RBFOX1: variants seen among roughly 807,000 people sequenced by gnomAD.
RBFOX1 encodes RNA binding fox-1 homolog 1.
Under a neutral mutation model 57.7 loss-of-function variants are expected in RBFOX1, and 8 were observed. The observed-to-expected ratio is 0.14, with a 90% confidence interval of 0.08 to 0.25. RBFOX1 has a LOEUF of 0.25. RBFOX1 is among the 10% of genes least tolerant of loss of function. The pLI is 1.00. For synonymous variants in RBFOX1, 326 were observed against 222.4 expected (o/e 1.47, Z -4.15); for missense variants, 611 against 548.5 (o/e 1.11, Z -1.14).
chr16:7,248,353 G>A (rs1262698042), intron 4 of RBFOX1, among the ~76,000 whole-genome samples: 1 of 152,190 alleles, frequency 6.6e-6, no homozygotes, highest in East Asian at 1.9e-4. Flanking sequence ...TTTGTCGTCA[G>A]CTCTTCTAGT....
At chr16:7,258,832 A>C (rs1773431015) in intron 4 of RBFOX1, among the ~76,000 whole-genome samples, 1 of 152,162 alleles carries the variant, frequency 6.6e-6, no homozygotes, top group African/African-American at 2.4e-5. Flanking sequence ...CTTTGAATTT[A>C]CAAGTAAGAG....
intron 1 of RBFOX1, among the ~76,000 whole-genome samples, chr16:6,245,178 A>G (rs2097562312): frequency 6.6e-6 from 1 of 152,172 alleles, no homozygotes; most frequent in Non-Finnish European, 1.5e-5. Context: ...TGAATAATGC[A>G]CTTTTTAACC....
At chr16:5,830,641 C>G (rs2056232209) in intron 3 of RBFOX1, among the ~76,000 whole-genome samples, 1 of 152,126 alleles carries the variant, frequency 6.6e-6, no homozygotes, top group African/African-American at 2.4e-5. Flanking sequence ...TAAAATGCAG[C>G]AGCTAGGATG....
Position 5,855,387 on chromosome 16 carries a change from G to C in RBFOX1, c.319-11916G>C, listed in dbSNP as rs1328656966. On this transcript the variant is annotated intron_variant, in intron 3 of 19. Coordinates refer to the RBFOX1 transcript ENST00000641259. ...TGTTTGAGTCTTTAATCCATTTTGA[G>C]TAGGTTATTGTATATAGTGTGAAAT... 3.3e-5 allele frequency among the ~76,000 whole-genome samples: 5 copies of C among 152,278 alleles called. No homozygotes were observed. In the East Asian group the frequency reaches 9.7e-4, roughly 29 times the overall value.
chr16:5,599,004 ACTTTTGC>A lies in RBFOX1; in HGVS notation c.362_368del (p.Thr121AsnfsTer27), dbSNP rs2047277498. The A allele has an allele frequency of 6.9e-7, 1 of 1,454,266 alleles. No homozygotes were observed. Among genetic ancestry groups the A allele is most frequent in the South Asian group, 1.2e-5 (1 of 82,384 alleles). The allele number at this position is 1,454,266 out of a possible 1,614,324, so 90.1% of individuals were successfully genotyped here. On this transcript the variant is annotated frameshift_variant, in exon 3 of 3. Transcript: ENST00000585867. LOFTEE classifies it low-confidence loss of function (END_TRUNC). Reference sequence around the variant, plus strand: ...GCTGAACAGATTAGATTTTGAAACTACTTTTGCATCCTTTTCAGCCTCTTTGGTCTCC... The same window carrying A: ...GCTGAACAGATTAGATTTTGAAACTAATCCTTTTCAGCCTCTTTGGTCTCC...
At chr16:7,282,190 A>G (rs1411903078) in intron 4 of RBFOX1, among the ~76,000 whole-genome samples, 1 of 152,040 alleles carries the variant, frequency 6.6e-6, no homozygotes, top group African/African-American at 2.4e-5. Flanking sequence ...AAAAGGGAGG[A>G]CAGAATCCAC....
intron 2 of RBFOX1, among the ~76,000 whole-genome samples, chr16:6,496,573 A>G (rs1390834224): frequency 6.6e-6 from 1 of 152,142 alleles, no homozygotes; most frequent in Non-Finnish European, 1.5e-5. Context: ...GCTGCATTAC[A>G]TTGCCCCTCG....
chr16:7,557,798 G>A (rs1037194230), intron 5 of RBFOX1, among the ~76,000 whole-genome samples: 1 of 151,926 alleles, frequency 6.6e-6, no homozygotes, highest in African/African-American at 2.4e-5. Context: ...GGGAAGGAGC[G>A]GGAGAGGGCT....
At chr16:5,360,969 C>A (rs2065532701) in intron 1 of RBFOX1, among the ~76,000 whole-genome samples, 1 of 152,036 alleles carries the variant, frequency 6.6e-6, no homozygotes, top group South Asian at 2.1e-4. Flanking sequence ...AGGTGTGTAA[C>A]CCTGATTGAT....
rs544526121 is a variant in RBFOX1, at chr16:6,807,970, C to T, written c.-16+153320C>T. ...TAATATATGCATTATATATAATATG[C>T]GTATTGTACCCTGTATATATATATG... On this transcript the variant is annotated intron_variant, in intron 3 of 15. Transcript: ENST00000550418. 2.4e-4 allele frequency among the ~76,000 whole-genome samples: 35 copies of T among 143,300 alleles called. No homozygotes were observed. The Middle Eastern group carries it at 0.017, about 71-fold the overall frequency. The allele number at this position is 143,300 out of a possible 152,430, so 94.0% of individuals were successfully genotyped here. A position where few individuals can be genotyped will look rare whatever the true frequency, so the allele number is the denominator to read the frequency against.
intron 4 of RBFOX1, among the ~76,000 whole-genome samples, chr16:7,255,106 T>A (rs2094624967): frequency 6.6e-6 from 1 of 152,192 alleles, no homozygotes; most frequent in Admixed American, 6.5e-5. Context: ...GTATCCCCAA[T>A]GTGCCAAAAA....
chr16:5,858,790 T>C (rs1439300468), intron 3 of RBFOX1, among the ~76,000 whole-genome samples: 1 of 152,208 alleles, frequency 6.6e-6, no homozygotes, highest in African/African-American at 2.4e-5. Flanking sequence ...CATCCATGAA[T>C]GGGCTCTTTC....
intron 3 of RBFOX1, among the ~76,000 whole-genome samples, chr16:5,858,526 T>C (rs2057128029): frequency 6.6e-6 from 1 of 152,206 alleles, no homozygotes; most frequent in Non-Finnish European, 1.5e-5. Flanking sequence ...CTTCTGCCTC[T>C]TGCTCCTCTC....
chr16:6,142,787 G>A (rs2096728782), intron 1 of RBFOX1, among the ~76,000 whole-genome samples: 1 of 152,150 alleles, frequency 6.6e-6, no homozygotes, highest in Admixed American at 6.5e-5. Context: ...CTCACTTACT[G>A]TTAGTAGCTG....
At chr16:6,350,358 T>C (rs2086099996) in intron 2 of RBFOX1, among the ~76,000 whole-genome samples, 2 of 148,840 alleles carry the variant, frequency 1.3e-5, no homozygotes, top group Admixed American at 1.4e-4. Flanking sequence ...GGAGAAGCAC[T>C]TGAACCCAGG....
intron 3 of RBFOX1, among the ~76,000 whole-genome samples, chr16:6,712,322 C>T (rs762488088): frequency 6.6e-6 from 1 of 152,142 alleles, no homozygotes; most frequent in African/African-American, 2.4e-5. Context: ...GCCAAATACC[C>T]ATTTGCGCAT....
At chr16:6,546,034 A>C (rs1214727124) in intron 2 of RBFOX1, among the ~76,000 whole-genome samples, 1 of 152,202 alleles carries the variant, frequency 6.6e-6, no homozygotes. Flanking sequence ...AAAATACACA[A>C]ACACTAACAA....
At chr16:7,063,196 G>C (rs1285929654) in intron 4 of RBFOX1, among the ~76,000 whole-genome samples, 1 of 151,858 alleles carries the variant, frequency 6.6e-6, no homozygotes. Flanking sequence ...ACATCTTTTT[G>C]GGTCAGTTCT....
chr16:6,850,456 A>G (rs111936949), intron 3 of RBFOX1, among the ~76,000 whole-genome samples: 5 of 152,142 alleles, frequency 3.3e-5, no homozygotes, highest in African/African-American at 9.6e-5. Flanking sequence ...ATGAGGTTTG[A>G]GTTGAGAGCT....
Sources: allele counts gnomAD v4.1 joint callset (sites outside exome capture counted in the v4.1 genomes callset), GRCh38; gene constraint gnomAD v4.1.1; transcripts MANE v1.5; gene names NCBI Gene and HGNC (gene_info 2026-07-23, HGNC 2026-07-21).